Variants in FUT6 observed in about 807,000 individuals in gnomAD.
The protein encoded by FUT6 is 4-galactosyl-N-acetylglucosaminide 3-alpha-L-fucosyltransferase FUT6.
For synonymous variants in FUT6, 187 were observed against 209.9 expected, an observed-to-expected ratio of 0.89 and a Z score of 0.94; for missense variants, 454 against 494.6, an observed-to-expected ratio of 0.92 and a Z score of 0.78.
At chr19:5,833,350 G>T (rs1410292796) in intron 2 of FUT6, among the ~76,000 whole-genome samples, 2 of 151,798 alleles carry the variant, frequency 1.3e-5, no homozygotes, top group African/African-American at 4.8e-5. Context: ...TTGGCCGGGC[G>T]TGGTGGCGTG....
In FUT6 at chr19:5,838,907, T is replaced by TCC. The variant is rs931362828; in HGVS notation, c.-373_-372dup. 1 of 152,158 alleles carries TCC rather than the reference T, an allele frequency of 6.6e-6. No homozygotes were observed. The highest frequency in any genetic ancestry group is 1.5e-5 in the Non-Finnish European group (1 of 68,058). The allele number at this position is 152,158 out of a possible 1,614,324, so 9.4% of individuals were successfully genotyped here. Reference sequence around the variant, plus strand: ...AAAACAAATCGTGGGGCTCCCCTAATCCCCGTTGCAGAACCAAACAGGGTG... The same window carrying TCC: ...AAAACAAATCGTGGGGCTCCCCTAATCCCCCCGTTGCAGAACCAAACAGGGTG... On this transcript the variant is annotated 5_prime_UTR_variant, in exon 1 of 3. It introduces an in-frame stop codon into an upstream open reading frame of the 5' UTR. Coordinates refer to ENST00000318336, the MANE Select transcript of FUT6 (RefSeq NM_000150.4).
At chr19:5,837,383 T>A (rs1042886963) in intron 1 of FUT6, among the ~76,000 whole-genome samples, 1 of 151,680 alleles carries the variant, frequency 6.6e-6, no homozygotes, top group Non-Finnish European at 1.5e-5. Flanking sequence ...ATGACAGACA[T>A]TGAATGTCTG....
At chr19:5,833,923 A>C (rs1022338966) in intron 2 of FUT6, among the ~76,000 whole-genome samples, 8 of 151,882 alleles carry the variant, frequency 5.3e-5, no homozygotes, top group Admixed American at 4.6e-4. Context: ...CTTGAGGTCA[A>C]GAGTTTGAGA....
rs142915411 is a variant in FUT6, at chr19:5,831,660, C to T, written c.908G>A (p.Arg303Gln). The T allele has an allele frequency of 2.5e-3, 4,051 of 1,612,774 alleles. 113 individuals are homozygous for T. The South Asian group carries it at 0.039, about 16-fold the overall frequency. ...GTCCTTGTCCAGCTCCTGCAGGTAC[C>T]GGGCCAGGTCCTTGGGGCTCTGGAA... is the stretch of plus-strand genomic sequence containing the variant. Reference protein sequence around the residue: ...DDFQSPKDLARYLQELDKDHA... With the variant: ...DDFQSPKDLAQYLQELDKDHA... The change falls in exon 3 of 3, where the codon CGG (arginine) becomes CAG (glutamine). Residue 303 changes from arginine to glutamine, a missense_variant. Arg to Gln is a conservative substitution (Grantham distance 43, BLOSUM62 1). Coordinates refer to ENST00000318336, the MANE Select transcript of FUT6 (RefSeq NM_000150.4). The surrounding 1 kb of genome is among the most constrained non-coding windows in gnomAD (Gnocchi z 7.0).
rs769663650 is a variant in FUT6, at chr19:5,832,064, G to A, written c.504C>T (p.Tyr168=). The stretch of plus-strand genomic sequence containing the variant: ...GGCCGGACCACGGCTCCAGCCAGCC[G>A]TAGGGCGTGAAGATGTCGGAGTCGC... The part of the protein sequence containing the change: ...YRSDSDIFTP[Y]GWLEPWSGQP... The change falls in exon 3 of 3, where the codon TAC becomes TAT. Residue 168 remains tyrosine, a synonymous_variant. Coordinates refer to ENST00000318336, the MANE Select transcript of FUT6 (RefSeq NM_000150.4). The surrounding 1 kb of genome is among the most constrained non-coding windows in gnomAD (Gnocchi z 4.3). 64 of 1,613,562 alleles carry A rather than the reference G, an allele frequency of 4.0e-5. 2 individuals are homozygous for A. The Admixed American group carries it at 4.8e-4, about 12-fold the overall frequency.
chr19:5,837,956 G>A (rs1384827310), intron 1 of FUT6: 2 of 152,156 alleles, frequency 1.3e-5, no homozygotes, highest in African/African-American at 4.8e-5. Context: ...GACTGGGAGG[G>A]AGGTTGAATT....
intron 2 of FUT6, among the ~76,000 whole-genome samples, chr19:5,833,654 G>A (rs1177409557): frequency 6.6e-6 from 1 of 151,382 alleles, no homozygotes; most frequent in Non-Finnish European, 1.5e-5. Context: ...TTAGCTGGGC[G>A]TGGTGGCGGG....
chr19:5,834,716 C>T (rs369589359), intron 2 of FUT6: 2 of 152,268 alleles, frequency 1.3e-5, no homozygotes, highest in South Asian at 2.1e-4. Context: ...ATGAGAATCG[C>T]TTGAACCCGG....
rs1599648454 is a variant in FUT6 at position 5,833,203 on chromosome 19, G to C, written c.-12-624C>G. Among the ~76,000 whole-genome samples, 7 of 152,286 alleles carry C rather than the reference G, an allele frequency of 4.6e-5. 1 individual carries two copies. In the South Asian group the frequency reaches 1.5e-3, roughly 32 times the overall value. On this transcript the variant is annotated intron_variant, in intron 2 of 2. Transcript: ENST00000318336. ...AAAAGTAATTGCTGTTTTTACCATT[G>C]AAAGTAATGGCAGCCATGCGCGGTG...
rs2057127917 is a variant in FUT6, at chr19:5,832,991, C to T, written c.-12-412G>A. On this transcript the variant is annotated intron_variant, in intron 2 of 2. Coordinates refer to ENST00000318336, the MANE Select transcript of FUT6 (RefSeq NM_000150.4). This position sits in a 1 kb window ranked among gnomAD's most constrained non-coding sequence, Gnocchi z 4.3. ...CCCATGACTCTGCTGGGGAAGGGCA[C>T]AATGGGATTGGGTTTTGGAGGTAAT... The T allele has an allele frequency of 4.5e-6, 1 of 223,616 alleles. No individual in the cohort carries two copies. Among genetic ancestry groups the T allele is most frequent in the Non-Finnish European group, 8.9e-6 (1 of 111,752 alleles). The allele number at this position is 223,616 out of a possible 1,614,324, so 13.9% of individuals were successfully genotyped here.
rs2057082906 is a variant in FUT6, at chr19:5,831,035, G to A, written c.*453C>T. ...CATCACTCATGGGTGGGGCCCCATG[G>A]GTGCCAGTTCCCAGGGCCCAGTGCC... On this transcript the variant is annotated 3_prime_UTR_variant, in exon 3 of 3. Transcript: ENST00000318336. This position sits in a 1 kb window ranked among gnomAD's most constrained non-coding sequence, Gnocchi z 7.0. 2.0e-6 allele frequency: 1 copy of A among 512,076 alleles called. No homozygotes were observed. The highest frequency in any genetic ancestry group is 1.9e-5 in the African/African-American group (1 of 52,170). 31.7% of individuals were successfully genotyped at this position (512,076 alleles called of 1,614,324 possible). A position where few individuals can be genotyped will look rare whatever the true frequency, so the allele number is the denominator to read the frequency against.
At position 5,839,064 on chromosome 19, in the gene FUT6, G is replaced by C. The variant is rs1370404798; in HGVS notation, c.-528C>G. 1.3e-5 allele frequency: 2 copies of C among 152,232 alleles called. No individual in the cohort carries two copies. Among genetic ancestry groups the C allele is most frequent in the African/African-American group, 4.8e-5 (2 of 41,458 alleles). The allele number at this position is 152,232 out of a possible 1,614,324, so 9.4% of individuals were successfully genotyped here. On this transcript the variant is annotated 5_prime_UTR_variant, in exon 1 of 3. Transcript: ENST00000318336. ...CAAAGCGGGTTCCACAGGGACACCAGGGGTTCCTTGGGAGGTGGGAATGAG... is the reference window on the plus strand; with the variant it reads ...CAAAGCGGGTTCCACAGGGACACCACGGGTTCCTTGGGAGGTGGGAATGAG...
intron 2 of FUT6, among the ~76,000 whole-genome samples, chr19:5,833,416 G>T (rs182076858): frequency 1.3e-5 from 2 of 151,634 alleles, no homozygotes; most frequent in South Asian, 2.1e-4. Context: ...TTGAACCTGG[G>T]GGGTGGAGGT....
At position 5,832,635 on chromosome 19, in the gene FUT6, A is replaced by T; in HGVS notation, c.-12-56T>A. 7.5e-7 allele frequency: 1 copy of T among 1,337,900 alleles called. No homozygotes were observed. The highest frequency in any genetic ancestry group is 2.3e-5 in the East Asian group (1 of 43,560). 82.9% of individuals were successfully genotyped at this position (1,337,900 alleles called of 1,614,324 possible). On this transcript the variant is annotated intron_variant, in intron 2 of 2. Coordinates refer to ENST00000318336, the MANE Select transcript of FUT6 (RefSeq NM_000150.4). This position sits in a 1 kb window ranked among gnomAD's most constrained non-coding sequence, Gnocchi z 4.3. Reference sequence around the variant, plus strand: ...ATTGATGACAATCTCCTGCTTACCAAAGCTCCAGGCCATGAGTCCTGAGAA... The same window carrying T: ...ATTGATGACAATCTCCTGCTTACCATAGCTCCAGGCCATGAGTCCTGAGAA...
chr19:5,832,204 G>T lies in FUT6; in HGVS notation c.364C>A (p.Arg122Ser). The T allele has an allele frequency of 6.2e-7, 1 of 1,613,982 alleles. No homozygotes were observed. The highest frequency in any genetic ancestry group is 8.5e-7 in the Non-Finnish European group (1 of 1,180,010). The change falls in exon 3 of 3, where the codon CGC (arginine) becomes AGC (serine). Residue 122 changes from arginine to serine, a missense_variant. Arg to Ser is a moderately radical substitution (Grantham distance 110). Coordinates refer to ENST00000318336, the MANE Select transcript of FUT6 (RefSeq NM_000150.4). The surrounding 1 kb of genome is among the most constrained non-coding windows in gnomAD (Gnocchi z 4.3). The part of the protein sequence containing the change: ...VMYNPSAQLP[R>S]SPRRQGQRWI... ...CGCTGCCCCTGCCGCCTCGGGGAGCGTGGGAGCTGGGCACTGGGGTTGTAC... is the reference window on the plus strand; with the variant it reads ...CGCTGCCCCTGCCGCCTCGGGGAGCTTGGGAGCTGGGCACTGGGGTTGTAC...
chr19:5,832,150 T>C lies in FUT6; in HGVS notation c.418A>G (p.Ser140Gly). ...ATGGCTTTCAGCTGCCAGCAGTGGC[T>C]TGGGGACTCCATGCTGAACCAGATC... ...RWIWFSMESP[S>G]HCWQLKAMDG... Residue 140 changes from serine to glycine, a missense_variant, in exon 3 of 3, where the codon AGC becomes GGC. Coordinates refer to ENST00000318336, the MANE Select transcript of FUT6 (RefSeq NM_000150.4). The surrounding 1 kb of genome is among the most constrained non-coding windows in gnomAD (Gnocchi z 4.3). 6.2e-7 allele frequency: 1 copy of C among 1,613,854 alleles called. No individual in the cohort carries two copies. Among genetic ancestry groups the C allele is most frequent in the Non-Finnish European group, 8.5e-7 (1 of 1,180,026 alleles).
At chr19:5,836,804 T>C (rs149247815) in intron 1 of FUT6, among the ~76,000 whole-genome samples, 1 of 152,240 alleles carries the variant, frequency 6.6e-6, no homozygotes, top group African/African-American at 2.4e-5. Context: ...ATGGTTGCAC[T>C]ATTGCACTTC....
chr19:5,833,884 C>G (rs1409308385), intron 2 of FUT6, among the ~76,000 whole-genome samples: 1 of 151,852 alleles, frequency 6.6e-6, no homozygotes, highest in African/African-American at 2.4e-5. Flanking sequence ...GTATTCCCAG[C>G]ACTTTGGAAG....
In FUT6 at chr19:5,832,392, T is replaced by A. The variant is rs2057117732; in HGVS notation, c.176A>T (p.His59Leu). The A allele has an allele frequency of 1.2e-6, 2 of 1,613,402 alleles. No homozygotes were observed. Among genetic ancestry groups the A allele is most frequent in the Non-Finnish European group, 1.7e-6 (2 of 1,179,906 alleles). Residue 59 changes from histidine to leucine, a missense_variant, in exon 3 of 3, where the codon CAC becomes CTC. Transcript: ENST00000318336. The surrounding 1 kb of genome is among the most constrained non-coding windows in gnomAD (Gnocchi z 4.3). The part of the protein sequence containing the change: ...RFPDSTGTPA[H>L]SIPLILLWTW... ...CCACAGCAGGATCAGGGGGATGGAGTGGGCGGGGGTCCCTGTGCTGTCTGG... is the reference window on the plus strand; with the variant it reads ...CCACAGCAGGATCAGGGGGATGGAGAGGGCGGGGGTCCCTGTGCTGTCTGG...
Sources: allele counts gnomAD v4.1 joint callset (sites outside exome capture counted in the v4.1 genomes callset), GRCh38; gene constraint gnomAD v4.1.1; non-coding constraint Gnocchi (gnomAD v3.1); transcripts MANE v1.5; gene names NCBI Gene and HGNC (gene_info 2026-07-23, HGNC 2026-07-21).